The following ARID1B variants were observed in gnomAD, a reference collection of about 807,000 sequenced individuals.
The protein encoded by ARID1B is AT-rich interaction domain 1B, also known as AT-rich interactive domain-containing protein 1B.
Under a neutral mutation model 212.3 loss-of-function variants are expected in ARID1B, and 30 were observed. The ratio of observed to expected loss-of-function variants is 0.14; its 90% CI spans 0.11 to 0.19. The LOEUF is 0.19. ARID1B is among the 10% of genes least tolerant of loss of function. ARID1B has a pLI of 1.00. For synonymous variants in ARID1B, 1,402 were observed against 1,301.7 expected (o/e 1.08, Z -1.66); for missense variants, 2,891 against 3,204.0 (o/e 0.90, Z 2.36).
intron 4 of ARID1B, among the ~76,000 whole-genome samples, chr6:157,031,979 T>TAGAG (rs1270622640): frequency 5.3e-5 from 8 of 152,156 alleles, no homozygotes; most frequent in African/African-American, 1.9e-4. Context: ...GTGTCTTTAG[T>TAGAG]AGAGACAGGG....
chr6:156,963,367 G>A (rs1794529860), intron 4 of ARID1B, among the ~76,000 whole-genome samples: 1 of 152,082 alleles, frequency 6.6e-6, no homozygotes, highest in Admixed American at 6.5e-5. Flanking sequence ...TTCTTTCTCT[G>A]TGTGTATTCG....
At chr6:157,102,432 C>T (rs998531223) in intron 5 of ARID1B, among the ~76,000 whole-genome samples, 5 of 152,114 alleles carry the variant, frequency 3.3e-5, no homozygotes, top group Admixed American at 1.3e-4. Flanking sequence ...AGGAACCCAG[C>T]GCATTCTTAC....
In ARID1B at chr6:157,073,238, AATTACAG is replaced by A. The variant is rs374587645; in HGVS notation, c.2248-11421_2248-11415del. ...CTGCCCCAGCCTCCTGAATAGCTGG[AATTACAG>A]ATGTACACCACAACACCTGCCTAAA... On this transcript the variant is annotated intron_variant, in intron 4 of 19. Transcript: ENST00000636930. 1.8e-4 allele frequency among the ~76,000 whole-genome samples: 28 copies of A among 151,742 alleles called. No homozygotes were observed. The East Asian group carries it at 5.4e-3, about 29-fold the overall frequency.
chr6:156,949,952 T>A (rs1404494294), intron 4 of ARID1B, among the ~76,000 whole-genome samples: 1 of 147,698 alleles, frequency 6.8e-6, no homozygotes, highest in East Asian at 1.9e-4. Flanking sequence ...TCCTAACAAG[T>A]GAATTATTTC....
chr6:157,204,099 TC>T, intron 19 of ARID1B, 103 bp downstream of exon 19: 2 of 1,430,600 alleles, frequency 1.4e-6, no homozygotes, highest in Non-Finnish European at 1.9e-6. Context: ...GCACTGACCG[TC>T]CAACACTGTT....
chr6:157,152,571 C>T (rs1790277983), intron 8 of ARID1B, among the ~76,000 whole-genome samples: 1 of 152,142 alleles, frequency 6.6e-6, no homozygotes, highest in Admixed American at 6.5e-5. Context: ...TATTTTAAAT[C>T]TTCCTTCTGT....
intron 5 of ARID1B, among the ~76,000 whole-genome samples, chr6:157,104,424 A>G (rs537818130): frequency 3.3e-5 from 5 of 152,220 alleles, no homozygotes; most frequent in Non-Finnish European, 7.3e-5. Flanking sequence ...AGAGAACTCA[A>G]TTAAAGGCAT....
intron 5 of ARID1B, among the ~76,000 whole-genome samples, chr6:157,104,355 TC>T (rs1383145783): frequency 3.3e-5 from 5 of 152,222 alleles, no homozygotes; most frequent in Non-Finnish European, 7.3e-5. Flanking sequence ...GCAAGGATCA[TC>T]ACTATCTTCA....
At chr6:157,045,187 G>A (rs1238459102) in intron 4 of ARID1B, among the ~76,000 whole-genome samples, 1 of 152,022 alleles carries the variant, frequency 6.6e-6, no homozygotes, top group Non-Finnish European at 1.5e-5. Context: ...TTTTAAACAG[G>A]GTCATGAAAT....
At chr6:157,039,135 G>A (rs1407932907) in intron 4 of ARID1B, among the ~76,000 whole-genome samples, 3 of 152,000 alleles carry the variant, frequency 2.0e-5, no homozygotes, top group Admixed American at 1.3e-4. Context: ...CTCCCAAAGA[G>A]TAGTGTTGGC....
At chr6:156,938,052 C>T (rs1792395350) in intron 4 of ARID1B, 1 of 151,826 alleles carries the variant, frequency 6.6e-6, no homozygotes. Flanking sequence ...AGATAACCTG[C>T]TACACCTAAA....
intron 2 of ARID1B, among the ~76,000 whole-genome samples, chr6:156,843,354 A>G (rs1183365967): frequency 6.6e-6 from 1 of 152,220 alleles, no homozygotes; most frequent in African/African-American, 2.4e-5. Flanking sequence ...TCATGCTGTA[A>G]GTTAAGCTTA....
At chr6:157,182,719 G>A (rs998819408) in intron 12 of ARID1B, among the ~76,000 whole-genome samples, 1 of 152,146 alleles carries the variant, frequency 6.6e-6, no homozygotes, top group Non-Finnish European at 1.5e-5. Flanking sequence ...TGCCCATGAC[G>A]CTGCATAACC....
At position 156,779,208 on chromosome 6, in the gene ARID1B, A is replaced by C. The variant is rs1178936568; in HGVS notation, c.1528A>C (p.Ser510Arg). The C allele has an allele frequency of 7.7e-7, 1 of 1,296,660 alleles. No homozygotes were observed. Among genetic ancestry groups the C allele is most frequent in the Non-Finnish European group, 9.9e-7 (1 of 1,011,914 alleles). 80.3% of individuals were successfully genotyped at this position (1,296,660 alleles called of 1,614,324 possible). The change falls in exon 1 of 20, where the codon AGC becomes CGC. Residue 510 changes from serine to arginine, a missense_variant. Around this residue, in one of 7 missense-constraint regions of ARID1B, gnomAD observed 1,643 missense variants for 1,544.0 expected, o/e 1.06. Transcript: ENST00000636930. The part of the protein sequence containing the change: ...PTLNQLLTSP[S>R]PMMRSYGGSY... ...CCTCAATCAGCTGCTCACCTCGCCC[A>C]GCCCCATGATGCGGAGCTACGGCGG...
intron 1 of ARID1B, among the ~76,000 whole-genome samples, chr6:156,825,431 A>C (rs547924350): frequency 6.6e-6 from 1 of 152,328 alleles, no homozygotes; most frequent in East Asian, 1.9e-4. Context: ...CGATTTTCAG[A>C]AATCTGAGGG....
chr6:156,943,016 A>G (rs142603223), intron 4 of ARID1B: 140 of 152,304 alleles, frequency 9.2e-4, no homozygotes, highest in African/African-American at 3.3e-3. Context: ...GGAAGTAACA[A>G]TTTTTAATGT....
At chr6:156,819,711 G>T (rs1037547704) in intron 1 of ARID1B, among the ~76,000 whole-genome samples, 37 of 152,140 alleles carry the variant, frequency 2.4e-4, no homozygotes, top group African/African-American at 8.0e-4. Flanking sequence ...TCTAGGCTGG[G>T]GGACAGACAT....
chr6:156,926,698 T>C (rs571205036), intron 3 of ARID1B, among the ~76,000 whole-genome samples: 2 of 152,306 alleles, frequency 1.3e-5, no homozygotes, highest in South Asian at 4.1e-4. Flanking sequence ...ATGTTACTAT[T>C]TTGAGAAGGA....
intron 5 of ARID1B, among the ~76,000 whole-genome samples, chr6:157,100,748 G>T (rs79931694): frequency 0.055 from 8,335 of 152,252 alleles, 347 homozygotes; most frequent in Non-Finnish European, 0.086. Flanking sequence ...CTTACTAACT[G>T]AGATAAGATG....
Sources: allele counts gnomAD v4.1 joint callset (sites outside exome capture counted in the v4.1 genomes callset), GRCh38; gene constraint gnomAD v4.1.1; regional missense constraint gnomAD v4.1.1; transcripts MANE v1.5; gene names NCBI Gene and HGNC (gene_info 2026-07-23, HGNC 2026-07-21).